Variants in MEGF10 observed in about 807,000 individuals in gnomAD.
MEGF10 encodes multiple EGF like domains 10.
In MEGF10, 86 loss-of-function variants were observed where a neutral mutation model predicts 147.5. That is an observed-to-expected ratio of 0.58 (90% CI 0.49 to 0.70). MEGF10 has a LOEUF of 0.70. Among genes scored for constraint, MEGF10 ranks in the 30% least tolerant of loss-of-function variants. The probability of loss-of-function intolerance (pLI) is 0.00; values close to 1 mark genes in which losing one functional copy is unlikely to be tolerated. For missense variants in MEGF10, 1,329 were observed against 1,487.3 expected, an observed-to-expected ratio of 0.89 and a Z score of 1.75; for synonymous variants, 478 against 525.5, an observed-to-expected ratio of 0.91 and a Z score of 1.24.
At chr5:127,400,700 TG>T (rs1295592027) in intron 7 of MEGF10, among the ~76,000 whole-genome samples, 2 of 152,148 alleles carry the variant, frequency 1.3e-5, no homozygotes, top group African/African-American at 4.8e-5. Flanking sequence ...TCTTCTCAGT[TG>T]GGATGGTCAG....
chr5:127,356,978 T>A (rs1438087153), intron 4 of MEGF10, among the ~76,000 whole-genome samples: 1 of 152,214 alleles, frequency 6.6e-6, no homozygotes, highest in Admixed American at 6.5e-5. Context: ...AAGAAATAGT[T>A]CTCTGGATCT....
the MEGF10 span, among the ~76,000 whole-genome samples, chr5:127,267,429 G>T: frequency 7.2e-5 from 11 of 152,090 alleles, no homozygotes; most frequent in Admixed American, 1.3e-4. Flanking sequence ...GGATGATGCT[G>T]GCCTCATAAA....
chr5:127,410,288 G>T (rs1580832841), intron 8 of MEGF10, 101 bp from the exon 9 acceptor site: 2 of 1,083,978 alleles, frequency 1.8e-6, no homozygotes, highest in Non-Finnish European at 2.7e-6. Flanking sequence ...AGAGCAAAAA[G>T]CAGCTTCGAT....
chr5:127,380,807 G>A (rs569267530), intron 5 of MEGF10, among the ~76,000 whole-genome samples: 173 of 152,218 alleles, frequency 1.1e-3, no homozygotes, highest in Non-Finnish European at 1.7e-3. Flanking sequence ...GTGAGCCACC[G>A]CGCCCAGCTG....
At chr5:127,357,257 C>T (rs550163651) in intron 4 of MEGF10, among the ~76,000 whole-genome samples, 10 of 152,136 alleles carry the variant, frequency 6.6e-5, no homozygotes, top group South Asian at 4.2e-4. Context: ...AGACCTCTCC[C>T]CCAAATTTTG....
intron 5 of MEGF10, among the ~76,000 whole-genome samples, chr5:127,380,412 C>T (rs1403862476): frequency 5.9e-5 from 9 of 152,082 alleles, no homozygotes; most frequent in African/African-American, 7.2e-5. Flanking sequence ...ACAGAGAGGG[C>T]GTGATGCGAA....
intron 1 of MEGF10, among the ~76,000 whole-genome samples, chr5:127,315,150 G>A (rs946479223): frequency 2.0e-5 from 3 of 152,202 alleles, no homozygotes; most frequent in Non-Finnish European, 2.9e-5. Context: ...TCAGAACTCA[G>A]TGTTAGTTCA....
At chr5:127,265,713 G>A in the MEGF10 span, among the ~76,000 whole-genome samples, 1 of 152,152 alleles carries the variant, frequency 6.6e-6, no homozygotes, top group South Asian at 2.1e-4. Context: ...CTGCATAAAT[G>A]TCTTCTTTTG....
At chr5:127,239,289 A>T in the MEGF10 span, among the ~76,000 whole-genome samples, 76,473 of 150,286 alleles carry the variant, frequency 0.51, 19,768 homozygotes, top group Middle Eastern at 0.6. Flanking sequence ...TTGGACTGTA[A>T]ATTAGATAAT....
intron 9 of MEGF10, among the ~76,000 whole-genome samples, chr5:127,413,006 T>C (rs1244361965): frequency 6.6e-6 from 1 of 152,200 alleles, no homozygotes; most frequent in Non-Finnish European, 1.5e-5. Flanking sequence ...ATACACTTTT[T>C]AAGCCTTTGG....
intron 1 of MEGF10, among the ~76,000 whole-genome samples, chr5:127,310,925 T>G (rs992963366): frequency 6.6e-6 from 1 of 152,176 alleles, no homozygotes; most frequent in Non-Finnish European, 1.5e-5. Flanking sequence ...CACCCTCCTT[T>G]TGTCCTCAGG....
In MEGF10 at chr5:127,449,216, G is replaced by C. The variant is rs753902803; in HGVS notation, c.2974G>C (p.Glu992Gln). Reference sequence around the variant, plus strand: ...CTGGAAACATGGCGGCTACCTCAACGAGCTCGGTGAGTTCTCCCAACGCAC... The same window carrying C: ...CTGGAAACATGGCGGCTACCTCAACCAGCTCGGTGAGTTCTCCCAACGCAC... ...ADWKHGGYLNELGAFGLDRSY... is the reference protein window; with the variant it reads ...ADWKHGGYLNQLGAFGLDRSY... Residue 992 changes from glutamate to glutamine, a missense_variant, in exon 22 of 25, where the codon GAG becomes CAG. Transcript: ENST00000503335. 1.2e-6 allele frequency: 2 copies of C among 1,613,262 alleles called. No individual in the cohort carries two copies. The highest frequency in any genetic ancestry group is 1.7e-6 in the Non-Finnish European group (2 of 1,179,644).
At chr5:127,417,934 A>G (rs768727217) in intron 10 of MEGF10, 122 bp downstream of exon 10, 4 of 1,010,592 alleles carry the variant, frequency 4.0e-6, no homozygotes, top group Admixed American at 3.3e-5. Context: ...ACATCATTAA[A>G]GAGAGAGAGA....
rs765741361 is a variant in MEGF10, at chr5:127,455,381, C to T, written c.3026-20C>T. The T allele has an allele frequency of 6.2e-7, 1 of 1,601,442 alleles. No individual in the cohort carries two copies. Among genetic ancestry groups the T allele is most frequent in the East Asian group, 2.2e-5 (1 of 44,778 alleles). On this transcript the variant is annotated intron_variant, in intron 23 of 24. Transcript: ENST00000503335. Reference sequence around the variant, plus strand: ...GCCAGTGACACAGCATTAGCTTTCTCTTCTCATTTCTCTTCACAGACCTGG... The same window carrying T: ...GCCAGTGACACAGCATTAGCTTTCTTTTCTCATTTCTCTTCACAGACCTGG...
At chr5:127,369,296 G>T (rs1561599258) in intron 4 of MEGF10, among the ~76,000 whole-genome samples, 1 of 152,108 alleles carries the variant, frequency 6.6e-6, no homozygotes, top group Non-Finnish European at 1.5e-5. Context: ...GTCTCCAAGG[G>T]TTGAGTACAC....
At chr5:127,265,379 T>C in the MEGF10 span, among the ~76,000 whole-genome samples, 4 of 152,216 alleles carry the variant, frequency 2.6e-5, no homozygotes, top group Non-Finnish European at 4.4e-5. Flanking sequence ...ACAATAAACA[T>C]AGGTGTGCCT....
rs1765847945 is a variant in MEGF10 at position 127,443,990 on chromosome 5, T to C, written c.2491+864T>C. On this transcript the variant is annotated intron_variant, in intron 19 of 24. Transcript: ENST00000503335. ...AATTGGGGTATATAGTAGACATATGTTTAACTTTTTGTAAAACTTGTGCCC... is the reference window on the plus strand; with the variant it reads ...AATTGGGGTATATAGTAGACATATGCTTAACTTTTTGTAAAACTTGTGCCC... 1.3e-5 allele frequency among the ~76,000 whole-genome samples: 2 copies of C among 152,208 alleles called. 1 individual carries two copies. The highest frequency in any genetic ancestry group is 2.9e-5 in the Non-Finnish European group (2 of 68,030).
chr5:127,453,117 A>G (rs1376162159), intron 22 of MEGF10, among the ~76,000 whole-genome samples: 1 of 152,208 alleles, frequency 6.6e-6, no homozygotes, highest in African/African-American at 2.4e-5. Context: ...GCACAGTGGC[A>G]AGGATATCGT....
chr5:127,309,994 T>TTCCTTCCTTCC (rs1760204660), intron 1 of MEGF10, among the ~76,000 whole-genome samples: 5 of 56,868 alleles, frequency 8.8e-5, no homozygotes, highest in Non-Finnish European at 1.3e-4. Flanking sequence ...TCTTTCTTTC[T>TTCCTTCCTTCC]TTCCTTCCTT....
Sources: allele counts gnomAD v4.1 joint callset (sites outside exome capture counted in the v4.1 genomes callset), GRCh38; gene constraint gnomAD v4.1.1; transcripts MANE v1.5; gene names NCBI Gene and HGNC (gene_info 2026-07-23, HGNC 2026-07-21).